Variants in USP42 observed in about 807,000 individuals in gnomAD.
USP42 encodes the protein ubiquitin carboxyl-terminal hydrolase 42.
A neutral mutation model predicts 113.0 loss-of-function variants in USP42; 23 were observed. That is an observed-to-expected ratio of 0.20 (90% confidence interval 0.15 to 0.29). The LOEUF (loss-of-function observed/expected upper bound fraction) is 0.29, where lower values mean the gene tolerates loss of function less well. Ranked by LOEUF, USP42 falls within the 10% of genes least tolerant of loss-of-function variation. USP42 has a pLI of 1.00. For synonymous variants in USP42, 933 were observed against 699.0 expected (o/e 1.33, Z -5.28); for missense variants, 2,174 against 1,779.8 (o/e 1.22, Z -3.99).
chr7:6,113,275 T>C (rs1181485298), intron 2 of USP42, among the ~76,000 whole-genome samples: 1 of 152,136 alleles, frequency 6.6e-6, no homozygotes, highest in East Asian at 1.9e-4. Context: ...GGGAAGTTTA[T>C]ATCATGAAAC....
At chr7:6,103,392 C>A (rs998321034), upstream of USP42, among the ~76,000 whole-genome samples, 1 of 150,352 alleles carries the variant, frequency 6.7e-6, no homozygotes, top group African/African-American at 2.5e-5. Context: ...AAAAATTAGC[C>A]GGGCGTGGTG....
chr7:6,139,121 C>G lies in USP42; in HGVS notation c.583C>G (p.Gln195Glu). 6.2e-7 allele frequency: 1 copy of G among 1,609,642 alleles called. No homozygotes were observed. The highest frequency in any genetic ancestry group is 8.5e-7 in the Non-Finnish European group (1 of 1,178,036). ...AGCTAGGCACTTCCGTTTTGGAAAC[C>G]AAGAAGATGCCCATGAATTCCTTCA... Reference protein sequence around the residue: ...RIARHFRFGNQEDAHEFLQYT... With the variant: ...RIARHFRFGNEEDAHEFLQYT... The change falls in exon 5 of 18, where the codon CAA (glutamine) becomes GAA (glutamate). Residue 195 changes from glutamine to glutamate, a missense_variant. Transcript: ENST00000306177. The surrounding 1 kb of genome is among the most constrained non-coding windows in gnomAD (Gnocchi z 4.5).
chr7:6,081,702 T>G, the USP42 span: 1 of 152,106 alleles, frequency 6.6e-6, no homozygotes, highest in East Asian at 1.9e-4. Context: ...GGAGGTCGGG[T>G]GAGAGGGTGA....
upstream of USP42, among the ~76,000 whole-genome samples, chr7:6,103,412 T>C (rs1790193937): frequency 6.7e-6 from 1 of 150,218 alleles, no homozygotes; most frequent in Non-Finnish European, 1.5e-5. Context: ...GGCGGGCATC[T>C]GTAATCCCAG....
At chr7:6,128,604 C>A (rs1156906096) in intron 3 of USP42, among the ~76,000 whole-genome samples, 1 of 152,146 alleles carries the variant, frequency 6.6e-6, no homozygotes, top group Non-Finnish European at 1.5e-5. Context: ...CTCTGCTGCT[C>A]TAGGCTGGGT....
rs928711790 is a variant in USP42, at chr7:6,160,539, G to A, written c.*37-16G>A. 1.3e-5 allele frequency: 2 copies of A among 152,628 alleles called. No individual in the cohort carries two copies. Among genetic ancestry groups the A allele is most frequent in the South Asian group, 2.1e-4 (1 of 4,834 alleles). 9.5% of individuals were successfully genotyped at this position (152,628 alleles called of 1,614,324 possible). ...CCTGCCTCCAACTCACTAACCCTGC[G>A]CCTCTTGTCTTTCAGATTCAACGCG... On this transcript the variant is annotated splice_polypyrimidine_tract_variant and intron_variant, in intron 17 of 17. Transcript: ENST00000306177.
In USP42 at chr7:6,158,585, G is replaced by C. The variant is rs2128528144; in HGVS notation, c.3944-865G>C. On this transcript the variant is annotated intron_variant, in intron 16 of 17. Coordinates refer to ENST00000306177, the MANE Select transcript of USP42 (RefSeq NM_032172.3). This position sits in a 1 kb window ranked among gnomAD's most constrained non-coding sequence, Gnocchi z 4.2. ...CTGGGGGTTGCGGGGTGAGCCCCATGGGGGACATTTGCCCATGGAGTGCTG... is the reference window on the plus strand; with the variant it reads ...CTGGGGGTTGCGGGGTGAGCCCCATCGGGGACATTTGCCCATGGAGTGCTG... Among the ~76,000 whole-genome samples the C allele has an allele frequency of 6.6e-6, 1 of 152,368 alleles. No homozygotes were observed. The highest frequency in any genetic ancestry group is 1.9e-4 in the East Asian group (1 of 5,184).
chr7:6,145,469 T>C (rs192555840), intron 9 of USP42, 47 bp from the exon 10 acceptor site: 111 of 1,611,682 alleles, frequency 6.9e-5, no homozygotes, highest in East Asian at 2.0e-4. Flanking sequence ...ATATGTGGAA[T>C]GATCTGTGCC....
At chr7:6,103,306 T>TA (rs1174443783), upstream of USP42, among the ~76,000 whole-genome samples, 5 of 150,892 alleles carry the variant, frequency 3.3e-5, no homozygotes, top group African/African-American at 1.2e-4. Flanking sequence ...GAGCCAGGTT[T>TA]AAAATTCCAC....
At chr7:6,140,601 ATG>A (rs1442075022) in intron 6 of USP42, among the ~76,000 whole-genome samples, 2 of 152,206 alleles carry the variant, frequency 1.3e-5, no homozygotes, top group African/African-American at 4.8e-5. Flanking sequence ...AAAAATGTAT[ATG>A]TAGGATGAAT....
In USP42 at chr7:6,154,756, C is replaced by T; in HGVS notation, c.3202C>T (p.Leu1068=). Residue 1068 remains leucine (L), a synonymous_variant, in exon 15 of 18, where the codon CTG becomes TTG. Transcript: ENST00000306177. ...RCRYYHDRYA[L]YAARDWKPFH... is the part of the protein sequence containing the mutation. Reference sequence around the variant, plus strand: ...CCGGTACTACCATGACAGGTACGCCCTGTACGCTGCCCGGGACTGGAAGCC... The same window carrying T: ...CCGGTACTACCATGACAGGTACGCCTTGTACGCTGCCCGGGACTGGAAGCC... 2.6e-6 allele frequency: 4 copies of T among 1,561,878 alleles called. No individual in the cohort carries two copies. Among genetic ancestry groups the T allele is most frequent in the African/African-American group, 1.4e-5 (1 of 73,552 alleles).
the USP42 span, among the ~76,000 whole-genome samples, chr7:6,092,043 TCTTCTTCTTCTTTC>T: frequency 3.1e-5 from 3 of 96,442 alleles, no homozygotes; most frequent in Non-Finnish European, 6.9e-5. Context: ...TTCTTCTTCT[TCTTCTTCTTCTTTC>T]TTCTTCTTCT....
intron 3 of USP42, among the ~76,000 whole-genome samples, 185 bp downstream of exon 3, chr7:6,115,708 C>G (rs530156322): frequency 2.0e-5 from 3 of 152,152 alleles, no homozygotes; most frequent in Non-Finnish European, 4.4e-5. Context: ...ACATTTTGCA[C>G]CTAATTAGAC....
At chr7:6,110,825 A>G (rs977089313) in intron 1 of USP42, among the ~76,000 whole-genome samples, 4 of 152,232 alleles carry the variant, frequency 2.6e-5, no homozygotes, top group African/African-American at 9.6e-5. Flanking sequence ...GAAATGTCCA[A>G]TTATAAACTG....
At chr7:6,126,875 G>T (rs946890384) in intron 3 of USP42, among the ~76,000 whole-genome samples, 41 of 152,232 alleles carry the variant, frequency 2.7e-4, no homozygotes, top group African/African-American at 9.9e-4. Flanking sequence ...CATTTCTCTG[G>T]GATAAATGCC....
chr7:6,155,328 T>G, intron 15 of USP42, 133 bp downstream of exon 15: 3 of 1,386,550 alleles, frequency 2.2e-6, no homozygotes, highest in Non-Finnish European at 2.8e-6. Flanking sequence ...TGTCTTTCAT[T>G]TCTGTGGGTT....
rs752593817 is a variant in USP42, at chr7:6,153,823, G to C, written c.2269G>C (p.Ala757Pro). The C allele has an allele frequency of 6.5e-7, 1 of 1,534,438 alleles. No individual in the cohort carries two copies. Among genetic ancestry groups the C allele is most frequent in the Non-Finnish European group, 8.8e-7 (1 of 1,138,910 alleles). ...DAEPQPGSPAAESLEEPDAAA... is the reference protein window; with the variant it reads ...DAEPQPGSPAPESLEEPDAAA... ...CGAGCCTCAGCCTGGCAGCCCCGCC[G>C]CCGAATCCCTGGAGGAGCCAGATGC... is the stretch of plus-strand genomic sequence containing the variant. Residue 757 changes from alanine to proline, a missense_variant, in exon 15 of 18, where the codon GCC becomes CCC. By Grantham distance (27) the Ala-to-Pro change is conservative (BLOSUM62 -1). Transcript: ENST00000306177.
rs545299704 is a variant in USP42, at chr7:6,159,390, A to G, written c.3944-60A>G. 2.9e-4 allele frequency: 473 copies of G among 1,612,370 alleles called. 4 individuals are homozygous for G. In the South Asian group the frequency reaches 4.9e-3, roughly 17 times the overall value. On this transcript the variant is annotated intron_variant, in intron 16 of 17. Transcript: ENST00000306177. This position sits in a 1 kb window ranked among gnomAD's most constrained non-coding sequence, Gnocchi z 4.1. ...TAGCCACTTAACGCACACACACAGC[A>G]GAGGCCCTGGCGATTTTGCAACCAT...
upstream of USP42, among the ~76,000 whole-genome samples, chr7:6,101,870 GGA>G (rs1299559448): frequency 6.7e-6 from 1 of 149,926 alleles, no homozygotes; most frequent in African/African-American, 2.5e-5. Flanking sequence ...CTTGAGGCCA[GGA>G]GTTCGAGTCC....
Sources: allele counts gnomAD v4.1 joint callset (sites outside exome capture counted in the v4.1 genomes callset), GRCh38; gene constraint gnomAD v4.1.1; non-coding constraint Gnocchi (gnomAD v3.1); transcripts MANE v1.5; gene names NCBI Gene and HGNC (gene_info 2026-07-23, HGNC 2026-07-21).